The following TET1 variants were observed in gnomAD, a reference collection of about 807,000 sequenced individuals.
The protein encoded by TET1 is methylcytosine dioxygenase TET1.
TET1 carries 13 observed loss-of-function variants against 148.7 expected under a neutral mutation model. The ratio of observed to expected loss-of-function variants is 0.09; its 90% CI spans 0.06 to 0.14. TET1 has a LOEUF of 0.14. TET1 is among the 10% of genes least tolerant of loss of function. TET1 has a pLI of 1.00. For missense variants in TET1, 2,182 were observed against 2,553.8 expected, an observed-to-expected ratio of 0.85 and a Z score of 3.14; for synonymous variants, 907 against 937.2, an observed-to-expected ratio of 0.97 and a Z score of 0.59.
intron 6 of TET1, among the ~76,000 whole-genome samples, chr10:68,662,719 T>C (rs555219301): frequency 1.2e-4 from 18 of 152,290 alleles, no homozygotes; most frequent in African/African-American, 4.3e-4. Context: ...CTGGGCAACA[T>C]AGCCAGACCT....
intron 1 of TET1, among the ~76,000 whole-genome samples, chr10:68,561,018 G>A (rs1192559563): frequency 6.6e-6 from 1 of 152,208 alleles, no homozygotes; most frequent in Admixed American, 6.5e-5. Flanking sequence ...GCCGGGTTGG[G>A]GGCAGCGGGG....
intron 3 of TET1, among the ~76,000 whole-genome samples, chr10:68,608,480 C>T (rs1205071797): frequency 1.3e-5 from 2 of 151,980 alleles, no homozygotes; most frequent in African/African-American, 4.8e-5. Flanking sequence ...CGTGATCTAC[C>T]CGCCTTGGCC....
intron 3 of TET1, among the ~76,000 whole-genome samples, chr10:68,624,658 T>G (rs7916451): frequency 1.1e-5 from 1 of 95,198 alleles, no homozygotes; most frequent in African/African-American, 4.0e-5. Flanking sequence ...CTTTCTTTCT[T>G]TCTCTCTCTC....
At position 68,645,554 on chromosome 10, in the gene TET1, A is replaced by G. The variant is rs1470091358; in HGVS notation, c.2825A>G (p.Gln942Arg). 2 of 1,614,196 alleles carry G rather than the reference A, an allele frequency of 1.2e-6. No individual in the cohort carries two copies. Reference protein sequence around the residue: ...AILYTVRKDLQDPNLQGEPPK... With the variant: ...AILYTVRKDLRDPNLQGEPPK... ...CTCTACACTGTAAGAAAAGACCTCC[A>G]AGACCCAAACTTACAGGGAGAGCCA... The change falls in exon 4 of 12, where the codon CAA (glutamine) becomes CGA (arginine). Residue 942 changes from glutamine (Q) to arginine (R), a missense_variant. By Grantham distance (43) the Gln-to-Arg change is conservative (BLOSUM62 1). Transcript: ENST00000373644.
chr10:68,638,615 C>G (rs1481055633), intron 3 of TET1, among the ~76,000 whole-genome samples: 1 of 152,108 alleles, frequency 6.6e-6, no homozygotes, highest in Non-Finnish European at 1.5e-5. Flanking sequence ...CCCTGAGCTA[C>G]CTCTAGTAAA....
Position 68,646,239 on chromosome 10 carries a change from A to G in TET1, c.3510A>G (p.Glu1170=). ...KKKPTVVSYQ[E]NDRQKWEKLS... is the part of the protein sequence containing the mutation. ...AGCCCACAGTTGTAAGTTATCAAGA[A>G]AATGATCGGCAGAAGTGGGAAAAGT... The change falls in exon 4 of 12, where the codon GAA becomes GAG. Residue 1170 remains glutamate, a synonymous_variant. Transcript: ENST00000373644. 6.2e-7 allele frequency: 1 copy of G among 1,614,178 alleles called. No homozygotes were observed. The highest frequency in any genetic ancestry group is 8.5e-7 in the Non-Finnish European group (1 of 1,180,020).
chr10:68,626,449 C>T (rs2054484120), intron 3 of TET1, among the ~76,000 whole-genome samples: 2 of 152,020 alleles, frequency 1.3e-5, no homozygotes, highest in African/African-American at 4.8e-5. Flanking sequence ...GATCCTCCTG[C>T]CTCAGCCTCC....
chr10:68,651,798 A>G (rs755705225), intron 4 of TET1, 48 bp from the exon 5 acceptor site: 22 of 1,429,498 alleles, frequency 1.5e-5, no homozygotes, highest in Admixed American at 5.8e-5. Context: ...CCTGTCCCCT[A>G]TGCAATTCTG....
At chr10:68,617,721 T>C (rs952416600) in intron 3 of TET1, among the ~76,000 whole-genome samples, 1 of 151,996 alleles carries the variant, frequency 6.6e-6, no homozygotes, top group African/African-American at 2.4e-5. Flanking sequence ...TAATTTTGTA[T>C]TTTTAGTAGA....
chr10:68,601,370 A>C (rs2132875519), intron 3 of TET1, among the ~76,000 whole-genome samples: 1 of 152,334 alleles, frequency 6.6e-6, no homozygotes, highest in Non-Finnish European at 1.5e-5. Flanking sequence ...AGCCCTTTAG[A>C]AGAAAGGCAC....
At position 68,691,059 on chromosome 10, in the gene TET1, G is replaced by A. The variant is rs773405384; in HGVS notation, c.5656G>A (p.Gly1886Arg). The change falls in exon 12 of 12, where the codon GGA (glycine) becomes AGA (arginine). Residue 1886 changes from glycine to arginine, a missense_variant. Gly to Arg is a moderately radical substitution (Grantham distance 125, BLOSUM62 -2). Transcript: ENST00000373644. The surrounding 1 kb of genome is among the most constrained non-coding windows in gnomAD (Gnocchi z 4.4). ...CACTCCCCACTGTACGATGCCTTCGGGAAGACTCAGTGGTGCCAATGCAGC... is the reference window on the plus strand; with the variant it reads ...CACTCCCCACTGTACGATGCCTTCGAGAAGACTCAGTGGTGCCAATGCAGC... Reference protein sequence around the residue: ...SSTPHCTMPSGRLSGANAAAA... With the variant: ...SSTPHCTMPSRRLSGANAAAA... 6.2e-7 allele frequency: 1 copy of A among 1,614,072 alleles called. No homozygotes were observed. The highest frequency in any genetic ancestry group is 8.5e-7 in the Non-Finnish European group (1 of 1,180,042).
intron 3 of TET1, among the ~76,000 whole-genome samples, chr10:68,603,811 C>A (rs1391459121): frequency 6.6e-6 from 1 of 152,130 alleles, no homozygotes; most frequent in Admixed American, 6.6e-5. Context: ...CATATTTATA[C>A]CATATTCATT....
chr10:68,624,672 C>CTTTCTTTCTTTCTTTCTTTCTTTTTT (rs2054443177), intron 3 of TET1, among the ~76,000 whole-genome samples: 2 of 103,530 alleles, frequency 1.9e-5, no homozygotes, highest in African/African-American at 8.4e-5. Flanking sequence ...CTCTCTCTCT[C>CTTTCTTTCTTTCTTTCTTTCTTTTTT]TCTCTCTCTC....
At chr10:68,614,347 T>A (rs2664422) in intron 3 of TET1, among the ~76,000 whole-genome samples, 32,703 of 152,126 alleles carry the variant, frequency 0.21, 3,681 homozygotes, top group South Asian at 0.32. Context: ...TTATGTGCTG[T>A]TCATGGTCAG....
intron 8 of TET1, among the ~76,000 whole-genome samples, chr10:68,676,645 C>T (rs1427465339): frequency 6.6e-6 from 1 of 151,504 alleles, no homozygotes; most frequent in Non-Finnish European, 1.5e-5. Flanking sequence ...GAACTCCTGA[C>T]CTCAGATGAT....
At chr10:68,571,077 G>A (rs1029518136) in intron 1 of TET1, among the ~76,000 whole-genome samples, 1 of 150,980 alleles carries the variant, frequency 6.6e-6, no homozygotes, top group Admixed American at 6.6e-5. Flanking sequence ...TGCAACCTCC[G>A]TCTCCTGGGT....
At chr10:68,686,988 C>T (rs994589238) in intron 11 of TET1, among the ~76,000 whole-genome samples, 10 of 151,514 alleles carry the variant, frequency 6.6e-5, no homozygotes, top group African/African-American at 2.2e-4. Context: ...CCTGGGTTCA[C>T]GCCATTCTCC....
chr10:68,626,806 C>G (rs2054489988), intron 3 of TET1, among the ~76,000 whole-genome samples: 1 of 152,062 alleles, frequency 6.6e-6, no homozygotes, highest in Non-Finnish European at 1.5e-5. Context: ...CCCTCAGACT[C>G]CCAAAGTGCT....
At chr10:68,600,192 T>G (rs2054035680) in intron 2 of TET1, among the ~76,000 whole-genome samples, 2 of 152,108 alleles carry the variant, frequency 1.3e-5, no homozygotes. Context: ...TTCCAGAGTT[T>G]CAGCAAGCCC....
Sources: allele counts gnomAD v4.1 joint callset (sites outside exome capture counted in the v4.1 genomes callset), GRCh38; gene constraint gnomAD v4.1.1; non-coding constraint Gnocchi (gnomAD v3.1); transcripts MANE v1.5; gene names NCBI Gene and HGNC (gene_info 2026-07-23, HGNC 2026-07-21).